MICAL3: variants seen among roughly 807,000 people sequenced by gnomAD.
MICAL3 encodes the protein [F-actin]-monooxygenase MICAL3.
A neutral mutation model predicts 207.4 loss-of-function variants in MICAL3; 62 were observed. The observed-to-expected ratio is 0.30, with a 90% CI of 0.24 to 0.37. The LOEUF (loss-of-function observed/expected upper bound fraction) is 0.37. Ranked by LOEUF, MICAL3 falls within the 10% of genes least tolerant of loss-of-function variation. The pLI is 1.00. For synonymous variants in MICAL3, 1,077 were observed against 1,069.3 expected (o/e 1.01, Z -0.14); for missense variants, 2,368 against 2,635.6 (o/e 0.90, Z 2.22).
rs1924669514 is a variant in MICAL3 at position 18,024,355 on chromosome 22, G to C, written c.-149C>G. ...GGCAGGGGCAGGGTGGGTGCCCGCA[G>C]GGCACAGGTGCCGCCGTGGCTGCTC... is the stretch of plus-strand genomic sequence containing the variant. On this transcript the variant is annotated 5_prime_UTR_variant, in exon 1 of 32. Transcript: ENST00000441493. 2 of 152,308 alleles carry C rather than the reference G, an allele frequency of 1.3e-5. No homozygotes were observed. The highest frequency in any genetic ancestry group is 4.8e-5 in the African/African-American group (2 of 41,472). 9.4% of individuals were successfully genotyped at this position (152,308 alleles called of 1,614,324 possible).
chr22:17,999,937 G>A lies in MICAL3; in HGVS notation c.-75+24344C>T, dbSNP rs115659949. Among the ~76,000 whole-genome samples the A allele has an allele frequency of 2.3e-3, 344 of 152,358 alleles. 1 individual carries two copies. The highest frequency in any genetic ancestry group is 0.01 in the Middle Eastern group (3 of 294). ...TGGGGCTGGATTTCTGACCTGAGAA[G>A]TACATCTGGCAATCAAATATGGAAT... On this transcript the variant is annotated intron_variant, in intron 1 of 31. Transcript: ENST00000441493.
intron 16 of MICAL3, among the ~76,000 whole-genome samples, chr22:17,877,589 G>C (rs1172306203): frequency 1.3e-5 from 2 of 151,282 alleles, no homozygotes; most frequent in Non-Finnish European, 1.5e-5. Flanking sequence ...AAGTTATGGA[G>C]GTTAGGGAGG....
At chr22:17,867,567 G>A (rs1927278031) in intron 17 of MICAL3, among the ~76,000 whole-genome samples, 2 of 152,196 alleles carry the variant, frequency 1.3e-5, no homozygotes, top group South Asian at 2.1e-4. Context: ...TGGCAACCAC[G>A]TGGCCTGACC....
chr22:17,929,564 T>C (rs1319004527), intron 1 of MICAL3, among the ~76,000 whole-genome samples: 1 of 91,442 alleles, frequency 1.1e-5, no homozygotes, highest in Non-Finnish European at 2.2e-5. Context: ...TTTCCTTTTC[T>C]TTTCTTTTTT....
chr22:17,996,900 T>C (rs1475599950), intron 1 of MICAL3, among the ~76,000 whole-genome samples: 2 of 152,176 alleles, frequency 1.3e-5, no homozygotes, highest in African/African-American at 2.4e-5. Flanking sequence ...CCAAGTGCCA[T>C]GCCTCCAGTT....
At chr22:17,794,521 C>T (rs552582642) in intron 29 of MICAL3, among the ~76,000 whole-genome samples, 1 of 152,358 alleles carries the variant, frequency 6.6e-6, no homozygotes, top group Non-Finnish European at 1.5e-5. Context: ...AATTCTGAGC[C>T]AGGACAATTT....
At chr22:17,993,570 C>T (rs998437439) in intron 1 of MICAL3, among the ~76,000 whole-genome samples, 2 of 152,094 alleles carry the variant, frequency 1.3e-5, no homozygotes, top group African/African-American at 4.8e-5. Flanking sequence ...CAGGGCAGCC[C>T]TCAGCACTCT....
At chr22:17,820,120 G>A (rs1262054298) in intron 25 of MICAL3, among the ~76,000 whole-genome samples, 1 of 145,368 alleles carries the variant, frequency 6.9e-6, no homozygotes, top group African/African-American at 2.6e-5. Flanking sequence ...GCCAGTCTGG[G>A]CAAGAGACTG....
chr22:17,807,841 C>T (rs965423170), intron 29 of MICAL3, among the ~76,000 whole-genome samples: 2 of 152,232 alleles, frequency 1.3e-5, no homozygotes, highest in Non-Finnish European at 2.9e-5. Flanking sequence ...GCCTGCCTGT[C>T]AGCAGAGGCA....
chr22:18,006,028 G>A (rs1923363269), intron 1 of MICAL3: 1 of 152,154 alleles, frequency 6.6e-6, no homozygotes, highest in Non-Finnish European at 1.5e-5. Context: ...TCTTTGCCAG[G>A]TCCAGCCATA....
At chr22:17,827,282 T>G (rs2146032888) in intron 22 of MICAL3, among the ~76,000 whole-genome samples, 1 of 152,072 alleles carries the variant, frequency 6.6e-6, no homozygotes, top group South Asian at 2.1e-4. Flanking sequence ...CCAACACACA[T>G]TCACGTCCAG....
intron 19 of MICAL3, among the ~76,000 whole-genome samples, chr22:17,843,522 G>A (rs1376086929): frequency 6.6e-6 from 1 of 152,140 alleles, no homozygotes; most frequent in South Asian, 2.1e-4. Context: ...CTCAGAGCTC[G>A]TTTCCTGATA....
rs146056826 is a variant in MICAL3 at position 17,987,115 on chromosome 22, C to T, written c.-75+37166G>A. Among the ~76,000 whole-genome samples, 549 of 152,150 alleles carry T rather than the reference C, an allele frequency of 3.6e-3. 2 individuals are homozygous for T. The highest frequency in any genetic ancestry group is 0.013 in the African/African-American group (531 of 41,496). ...AATTGTCCAGGCATAGGGGTGCATG[C>T]CTGTAGTCCCAGCTACTCAGGAGAC... On this transcript the variant is annotated intron_variant, in intron 1 of 31. Coordinates refer to ENST00000441493, the MANE Select transcript of MICAL3 (RefSeq NM_015241.3).
At chr22:17,924,103 T>C (rs1022939004) in intron 1 of MICAL3, among the ~76,000 whole-genome samples, 4 of 152,200 alleles carry the variant, frequency 2.6e-5, no homozygotes, top group African/African-American at 9.7e-5. Flanking sequence ...ACCGCCTCCA[T>C]GATTCAATTA....
At chr22:17,916,163 C>A (rs143302449) in intron 1 of MICAL3, among the ~76,000 whole-genome samples, 2 of 152,078 alleles carry the variant, frequency 1.3e-5, no homozygotes, top group African/African-American at 4.8e-5. Context: ...TCCACCTTCT[C>A]GGCATTCTTC....
intron 5 of MICAL3, 87 bp from the exon 6 acceptor site, chr22:17,901,084 A>C: frequency 7.5e-7 from 1 of 1,342,146 alleles, no homozygotes; most frequent in African/African-American, 1.4e-5. Flanking sequence ...TGATAAAGAC[A>C]ACAGGGAAAG....
At chr22:17,821,966 C>G (rs1921698691) in intron 24 of MICAL3, 64 bp downstream of exon 24, 5 of 1,584,388 alleles carry the variant, frequency 3.2e-6, no homozygotes, top group Non-Finnish European at 4.3e-6. Flanking sequence ...CTGAGCCACT[C>G]TTGTGTGCAT....
chr22:17,830,493 T>A (rs1409952259), intron 21 of MICAL3, among the ~76,000 whole-genome samples: 1 of 152,208 alleles, frequency 6.6e-6, no homozygotes, highest in African/African-American at 2.4e-5. Context: ...GTGCCAGGGC[T>A]CAAAGCTGCC....
intron 16 of MICAL3, 119 bp from the exon 17 acceptor site, chr22:17,872,142 C>T (rs1031528489): frequency 2.3e-5 from 19 of 823,836 alleles, no homozygotes; most frequent in Non-Finnish European, 3.4e-5. Flanking sequence ...TGCTTTGAGA[C>T]AGACTTCTAA....
Sources: gnomAD v4.1 joint callset for allele counts (sites outside exome capture counted in the v4.1 genomes callset) on GRCh38, gnomAD v4.1.1 for gene constraint, MANE v1.5 for transcripts, NCBI Gene and HGNC (gene_info 2026-07-23, HGNC 2026-07-21) for gene names.